ZNF385B: variants seen among roughly 807,000 people sequenced by gnomAD.
ZNF385B encodes the protein zinc finger protein 385B.
Under a neutral mutation model 39.2 loss-of-function variants are expected in ZNF385B, and 23 were observed. That is an observed-to-expected ratio of 0.59 (90% CI 0.42 to 0.83). The LOEUF is 0.83. Among genes scored for constraint, ZNF385B ranks in the 40% least tolerant of loss-of-function variants. ZNF385B has a pLI of 0.00. For synonymous variants in ZNF385B, 205 were observed against 222.6 expected, an observed-to-expected ratio of 0.92 and a Z score of 0.70; for missense variants, 552 against 598.9, an observed-to-expected ratio of 0.92 and a Z score of 0.82.
chr2:179,596,386 A>AAT (rs1688001501), intron 3 of ZNF385B, among the ~76,000 whole-genome samples: 1 of 152,116 alleles, frequency 6.6e-6, no homozygotes, highest in African/African-American at 2.4e-5. Flanking sequence ...TTCACTTTGT[A>AAT]GTCTCCCTGT....
At chr2:179,747,466 A>C (rs73973722) in intron 3 of ZNF385B, among the ~76,000 whole-genome samples, 2 of 152,118 alleles carry the variant, frequency 1.3e-5, no homozygotes, top group Non-Finnish European at 2.9e-5. Flanking sequence ...GTATTATGAG[A>C]AAAGGCATTG....
intron 3 of ZNF385B, among the ~76,000 whole-genome samples, chr2:179,711,133 G>A (rs767861139): frequency 1.3e-4 from 20 of 152,092 alleles, no homozygotes; most frequent in African/African-American, 4.1e-4. Context: ...CTTAACTGCC[G>A]CCCAGGTGGA....
intron 3 of ZNF385B, among the ~76,000 whole-genome samples, chr2:179,568,082 T>G (rs1684796910): frequency 6.6e-6 from 1 of 152,232 alleles, no homozygotes; most frequent in Non-Finnish European, 1.5e-5. Context: ...ATTAAGCCCC[T>G]GCCTGCTCCA....
At chr2:179,460,895 T>C (rs1349732318) in intron 6 of ZNF385B, among the ~76,000 whole-genome samples, 1 of 152,198 alleles carries the variant, frequency 6.6e-6, no homozygotes, top group African/African-American at 2.4e-5. Context: ...TCCCATCCTC[T>C]CACTTGGCTA....
intron 5 of ZNF385B, among the ~76,000 whole-genome samples, chr2:179,502,330 G>A (rs1392800566): frequency 6.6e-6 from 1 of 152,086 alleles, no homozygotes; most frequent in Non-Finnish European, 1.5e-5. Context: ...GATGAGATTT[G>A]GCAGAGGCCA....
chr2:179,689,124 G>T (rs771837410), intron 3 of ZNF385B, among the ~76,000 whole-genome samples: 1 of 152,200 alleles, frequency 6.6e-6, no homozygotes, highest in Non-Finnish European at 1.5e-5. Context: ...TGAAATGTAG[G>T]AAATCAGGAC....
intron 3 of ZNF385B, among the ~76,000 whole-genome samples, chr2:179,664,060 AT>A (rs199631025): frequency 0.27 from 28,429 of 104,790 alleles, 3,333 homozygotes; most frequent in African/African-American, 0.38. Flanking sequence ...AGTAAAAAAT[AT>A]TTTTTTTTTT....
At chr2:179,706,611 C>A (rs1559112779) in intron 3 of ZNF385B, among the ~76,000 whole-genome samples, 1 of 152,128 alleles carries the variant, frequency 6.6e-6, no homozygotes, top group African/African-American at 2.4e-5. Context: ...TTGGTTCCCA[C>A]CGCATGAGTA....
chr2:179,684,631 T>G (rs1295999187), intron 3 of ZNF385B, among the ~76,000 whole-genome samples: 1 of 152,222 alleles, frequency 6.6e-6, no homozygotes, highest in Non-Finnish European at 1.5e-5. Flanking sequence ...GTGCAAATGA[T>G]GCTTGTCAAG....
intron 3 of ZNF385B, among the ~76,000 whole-genome samples, chr2:179,605,594 G>GTA (rs1245984880): frequency 1.3e-5 from 2 of 152,130 alleles, no homozygotes; most frequent in African/African-American, 4.8e-5. Flanking sequence ...GCTATAATAT[G>GTA]TATGCAGTGG....
chr2:179,821,768 G>T (rs1332879475), intron 1 of ZNF385B, among the ~76,000 whole-genome samples: 3 of 151,964 alleles, frequency 2.0e-5, no homozygotes, highest in African/African-American at 4.8e-5. Context: ...TATGATTAAT[G>T]ATATATCCAA....
At chr2:179,476,070 C>T (rs1389785816) in intron 6 of ZNF385B, among the ~76,000 whole-genome samples, 1 of 150,138 alleles carries the variant, frequency 6.7e-6, no homozygotes, top group Non-Finnish European at 1.5e-5. Context: ...AAAATGCCTG[C>T]CACATGTGCC....
At chr2:179,688,994 T>G (rs1698141917) in intron 3 of ZNF385B, among the ~76,000 whole-genome samples, 1 of 152,234 alleles carries the variant, frequency 6.6e-6, no homozygotes, top group Non-Finnish European at 1.5e-5. Context: ...GAACTCTTCC[T>G]GGGCTTTTGG....
chr2:179,843,680 C>T (rs1417018296), intron 1 of ZNF385B, among the ~76,000 whole-genome samples: 3 of 152,166 alleles, frequency 2.0e-5, no homozygotes, highest in Non-Finnish European at 4.4e-5. Context: ...TGTGCCCTTC[C>T]AGTTCAATGC....
chr2:179,787,503 T>A (rs770729234), intron 1 of ZNF385B, among the ~76,000 whole-genome samples: 9 of 152,132 alleles, frequency 5.9e-5, no homozygotes, highest in Non-Finnish European at 1.0e-4. Context: ...ATATCTCTTA[T>A]AAGGACATAT....
At chr2:179,817,337 T>C (rs752646939) in intron 1 of ZNF385B, among the ~76,000 whole-genome samples, 22 of 152,368 alleles carry the variant, frequency 1.4e-4, no homozygotes, top group Middle Eastern at 6.8e-3. Context: ...TTTCACCCTG[T>C]AGACTCACCA....
At chr2:179,843,940 T>C (rs1363641577) in intron 1 of ZNF385B, among the ~76,000 whole-genome samples, 1 of 152,252 alleles carries the variant, frequency 6.6e-6, no homozygotes, top group African/African-American at 2.4e-5. Flanking sequence ...GCTTCCAGCC[T>C]TGGGAGACAG....
intron 3 of ZNF385B, among the ~76,000 whole-genome samples, chr2:179,568,187 T>C (rs1338088867): frequency 6.6e-6 from 1 of 152,208 alleles, no homozygotes; most frequent in East Asian, 1.9e-4. Context: ...CTCAGGCTTT[T>C]GCCTCTGCTG....
chr2:179,788,811 C>A (rs1705156535), intron 1 of ZNF385B, among the ~76,000 whole-genome samples: 1 of 152,062 alleles, frequency 6.6e-6, no homozygotes, highest in African/African-American at 2.4e-5. Flanking sequence ...AGGCTGCAAA[C>A]AAAAGAGGAT....
Sources: gnomAD v4.1 joint callset for allele counts (sites outside exome capture counted in the v4.1 genomes callset) on GRCh38, gnomAD v4.1.1 for gene constraint, MANE v1.5 for transcripts, NCBI Gene and HGNC (gene_info 2026-07-23, HGNC 2026-07-21) for gene names.